The following ABCA6 variants were observed in gnomAD, a reference collection of about 807,000 sequenced individuals.
The protein encoded by ABCA6 is ATP binding cassette subfamily A member 6.
A neutral mutation model predicts 191.2 loss-of-function variants in ABCA6; 164 were observed. The observed-to-expected ratio is 0.86, with a 90% confidence interval of 0.76 to 0.98. ABCA6 has a LOEUF of 0.98. Among genes scored for constraint, ABCA6 ranks in the 50% least tolerant of loss-of-function variants. The probability of loss-of-function intolerance (pLI) is 0.00; values close to 1 mark genes in which losing one functional copy is unlikely to be tolerated. For synonymous variants in ABCA6, 636 were observed against 647.7 expected (o/e 0.98, Z 0.27); for missense variants, 1,958 against 1,894.1 (o/e 1.03, Z -0.63).
intron 10 of ABCA6, 109 bp downstream of exon 10, chr17:69,123,130 T>C (rs1470970110): frequency 1.8e-5 from 11 of 595,166 alleles, no homozygotes; most frequent in Non-Finnish European, 2.3e-5. Context: ...AACATGCACG[T>C]TGTGCACATG....
Position 69,137,455 on chromosome 17 carries a change from A to G in ABCA6, c.142T>C (p.Ser48Pro), listed in dbSNP as rs768085207. Residue 48 changes from serine (S) to proline (P), a missense_variant, in exon 3 of 39, where the codon TCC becomes CCC. By Grantham distance (74) the Ser-to-Pro change is moderately conservative (BLOSUM62 -1). Coordinates refer to ENST00000284425, the MANE Select transcript of ABCA6 (RefSeq NM_080284.3). The stretch of plus-strand genomic sequence containing the variant: ...AACTGGACATTTCTCATGGAACTGG[A>G]AAACAGAGCAATACACAGTCCTAGA... Reference protein sequence around the residue: ...ILLGLCIALFSSSMRNVQFPG... With the variant: ...ILLGLCIALFPSSMRNVQFPG... 1.2e-6 allele frequency: 2 copies of G among 1,613,730 alleles called. No individual in the cohort carries two copies. The highest frequency in any genetic ancestry group is 1.7e-6 in the Non-Finnish European group (2 of 1,179,770).
At chr17:69,098,829 C>G (rs2073111282) in intron 22 of ABCA6, among the ~76,000 whole-genome samples, 1 of 151,920 alleles carries the variant, frequency 6.6e-6, no homozygotes, top group Admixed American at 6.6e-5. Context: ...TAATTGGCAT[C>G]GAGTTTCAAT....
chr17:69,126,783 C>T (rs1261599507), intron 8 of ABCA6, among the ~76,000 whole-genome samples: 1 of 152,144 alleles, frequency 6.6e-6, no homozygotes, highest in Non-Finnish European at 1.5e-5. Context: ...CTGCATCACA[C>T]TCTTAATGGC....
chr17:69,133,770 T>C lies in ABCA6; in HGVS notation c.662A>G (p.Glu221Gly), dbSNP rs1339760041. The C allele has an allele frequency of 1.2e-6, 2 of 1,612,200 alleles. No homozygotes were observed. Among genetic ancestry groups the C allele is most frequent in the Admixed American group, 1.7e-5 (1 of 59,942 alleles). Residue 221 changes from glutamate (E) to glycine (G), a missense_variant, in exon 6 of 39, where the codon GAG becomes GGG. Glu to Gly is a moderately conservative substitution (Grantham distance 98, BLOSUM62 -2). Transcript: ENST00000284425. ...AAGCAAGAAGAATAAAATAAACATC[T>C]CATTGTGAAGAAGATTTTTAGTTAT... ...PFITKNLLHNEMFILFFLLHF... is the reference protein window; with the variant it reads ...PFITKNLLHNGMFILFFLLHF...
At position 69,128,599 on chromosome 17, in the gene ABCA6, C is replaced by T. The variant is rs571211718; in HGVS notation, c.1119+20G>A. On this transcript the variant is annotated intron_variant, in intron 8 of 38. Transcript: ENST00000284425. ...CTTCTTTTGAAATTTCAGTAATAAA[C>T]CAATTAACTAGGCTCTTACCTGAAT... The T allele has an allele frequency of 1.5e-5, 24 of 1,585,334 alleles. No homozygotes were observed. The South Asian group carries it at 2.6e-4, about 17-fold the overall frequency.
At chr17:69,124,530 C>T (rs2144696448) in intron 9 of ABCA6, among the ~76,000 whole-genome samples, 1 of 151,922 alleles carries the variant, frequency 6.6e-6, no homozygotes, top group South Asian at 2.1e-4. Flanking sequence ...AGAGCCAAAC[C>T]ACCATAAGAA....
intron 2 of ABCA6, 109 bp downstream of exon 2, chr17:69,140,499 A>T (rs2074010385): frequency 3.8e-6 from 2 of 525,768 alleles, no homozygotes; most frequent in Non-Finnish European, 6.3e-6. Context: ...GAGAACTGGT[A>T]AAATCAATAA....
Position 69,083,028 on chromosome 17 carries a change from G to C in ABCA6, c.4476-15C>G. 1.2e-6 allele frequency: 2 copies of C among 1,611,516 alleles called. No individual in the cohort carries two copies. Among genetic ancestry groups the C allele is most frequent in the Non-Finnish European group, 1.7e-6 (2 of 1,179,100 alleles). On this transcript the variant is annotated splice_polypyrimidine_tract_variant and intron_variant, in intron 35 of 38. Transcript: ENST00000284425. ...AGCCAATGCATCTATGGGCAAGAAA[G>C]AGAATATGTTGGAAAAAATATTGCC... is the stretch of plus-strand genomic sequence containing the variant.
At position 69,096,311 on chromosome 17, in the gene ABCA6, T is replaced by C. The variant is rs2073043463; in HGVS notation, c.3337A>G (p.Ile1113Val). ...PGYAASLVFF[I>V]YMISFIFRKR... ...CGAAAAATAAATGATATCATATATA[T>C]GAAGAAGACAAGAGAAGCTGCATAA... The change falls in exon 25 of 39, where the codon ATA becomes GTA. Residue 1113 changes from isoleucine (I) to valine (V), a missense_variant. Transcript: ENST00000284425. 6.5e-7 allele frequency: 1 copy of C among 1,529,066 alleles called. No homozygotes were observed. The highest frequency in any genetic ancestry group is 8.8e-7 in the Non-Finnish European group (1 of 1,139,962). The allele number at this position is 1,529,066 out of a possible 1,614,324, so 94.7% of individuals were successfully genotyped here.
chr17:69,135,806 T>C (rs1199477114), intron 4 of ABCA6: 1 of 444,896 alleles, frequency 2.2e-6, no homozygotes, highest in Middle Eastern at 3.1e-4. Context: ...TCTTTGCTGC[T>C]AACCTGGAAT....
intron 6 of ABCA6, among the ~76,000 whole-genome samples, chr17:69,132,611 C>A (rs2073884347): frequency 6.6e-6 from 1 of 152,148 alleles, no homozygotes; most frequent in Non-Finnish European, 1.5e-5. Flanking sequence ...TCCCAGGTAG[C>A]TGGGATTACA....
intron 15 of ABCA6, chr17:69,112,935 CTA>C (rs1053285361): frequency 5.9e-5 from 13 of 218,636 alleles, no homozygotes; most frequent in Non-Finnish European, 9.7e-5. Flanking sequence ...GAATAAGTGT[CTA>C]TTTTTCAATT....
intron 8 of ABCA6, among the ~76,000 whole-genome samples, chr17:69,127,555 T>C (rs2144702351): frequency 6.6e-6 from 1 of 152,182 alleles, no homozygotes; most frequent in African/African-American, 2.4e-5. Context: ...AAATGCAAAT[T>C]AACACTACAA....
chr17:69,123,514 A>G (rs541987173), intron 9 of ABCA6, 107 bp from the exon 10 acceptor site: 5 of 726,806 alleles, frequency 6.9e-6, no homozygotes, highest in Non-Finnish European at 9.7e-6. Context: ...AGCATCATAG[A>G]GACATTTTTT....
intron 30 of ABCA6, among the ~76,000 whole-genome samples, chr17:69,085,947 C>T (rs780464116): frequency 4.6e-5 from 7 of 152,160 alleles, no homozygotes; most frequent in Non-Finnish European, 7.4e-5. Context: ...TCCTTTTCCC[C>T]CCAGATTACT....
chr17:69,083,397 T>A, intron 34 of ABCA6, 66 bp from the exon 35 acceptor site: 1 of 1,473,388 alleles, frequency 6.8e-7, no homozygotes, highest in Non-Finnish European at 9.0e-7. Context: ...AAAGATAAAA[T>A]ACAATATATG....
chr17:69,084,368 A>C lies in ABCA6; in HGVS notation c.4261-13T>G, dbSNP rs1350552768. 6.2e-7 allele frequency: 1 copy of C among 1,614,134 alleles called. No homozygotes were observed. The highest frequency in any genetic ancestry group is 2.2e-5 in the East Asian group (1 of 44,878). On this transcript the variant is annotated splice_polypyrimidine_tract_variant and intron_variant, in intron 33 of 38. Coordinates refer to ENST00000284425, the MANE Select transcript of ABCA6 (RefSeq NM_080284.3). ...GCACAAAACACAACTGCAATGTAGA[A>C]AAACACCCCTGTTTGCTGCCATACC...
At chr17:69,136,323 T>G in intron 3 of ABCA6, 73 bp from the exon 4 acceptor site, 1 of 1,127,252 alleles carries the variant, frequency 8.9e-7, no homozygotes, top group Non-Finnish European at 1.2e-6. Flanking sequence ...GATATTCAAC[T>G]GTTTCCCCAT....
chr17:69,079,395 G>A, intron 37 of ABCA6, 130 bp from the exon 38 acceptor site: 1 of 570,338 alleles, frequency 1.8e-6, no homozygotes, highest in African/African-American at 1.9e-5. Context: ...AATGCTTGAT[G>A]TAAGGATGAA....
Sources: allele counts gnomAD v4.1 joint callset (sites outside exome capture counted in the v4.1 genomes callset), GRCh38; gene constraint gnomAD v4.1.1; transcripts MANE v1.5; gene names NCBI Gene and HGNC (gene_info 2026-07-23, HGNC 2026-07-21).